GATA5: variants seen among roughly 807,000 people sequenced by gnomAD.
The protein encoded by GATA5 is transcription factor GATA-5.
In GATA5, 27 loss-of-function variants were observed where a neutral mutation model predicts 35.0. The observed-to-expected ratio is 0.77, with a 90% CI of 0.57 to 1.06. GATA5 has a LOEUF of 1.06. Ranked by LOEUF, GATA5 falls within the 50% of genes least tolerant of loss-of-function variation. The probability of loss-of-function intolerance (pLI) is 0.00; values close to 1 mark genes in which losing one functional copy is unlikely to be tolerated. For missense variants in GATA5, 612 were observed against 580.0 expected (o/e 1.06, Z -0.57); for synonymous variants, 306 against 267.8 (o/e 1.14, Z -1.39).
chr20:62,473,394 C>T lies in GATA5; in HGVS notation c.699+9G>A, dbSNP rs782776140. 4.4e-5 allele frequency: 71 copies of T among 1,598,666 alleles called. No homozygotes were observed. The highest frequency in any genetic ancestry group is 5.1e-5 in the Admixed American group (3 of 58,460). On this transcript the variant is annotated intron_variant, in intron 3 of 6. Coordinates refer to ENST00000252997, the MANE Select transcript of GATA5 (RefSeq NM_080473.5). ...CGCCCAGGCGCCCCTCTGCCCAGCC[C>T]GAACTCACCAGGCGCTTCTGAGGCC...
At position 62,470,482 on chromosome 20, in the gene GATA5, T is replaced by C. The variant is rs117126901; in HGVS notation, c.699+2921A>G. Among the ~76,000 whole-genome samples, 147 of 152,268 alleles carry C rather than the reference T, an allele frequency of 9.7e-4. 1 individual carries two copies. The East Asian group carries it at 0.014, about 14-fold the overall frequency. ...TAGTAAGCACTTGATACAGTGCCCA[T>C]GCCCCTTGCTGGCCGAGGACAAACT... On this transcript the variant is annotated intron_variant, in intron 3 of 6. Coordinates refer to ENST00000252997, the MANE Select transcript of GATA5 (RefSeq NM_080473.5). The surrounding 1 kb of genome is among the most constrained non-coding windows in gnomAD (Gnocchi z 4.6).
chr20:62,474,502 T>C (rs1555896906), intron 2 of GATA5, among the ~76,000 whole-genome samples: 1 of 152,166 alleles, frequency 6.6e-6, no homozygotes, highest in African/African-American at 2.4e-5. Flanking sequence ...GGAGCCGCCT[T>C]CGCCAGAAAG....
chr20:62,466,108 C>T (rs1989580310), intron 4 of GATA5, among the ~76,000 whole-genome samples, 187 bp from the exon 5 acceptor site: 1 of 152,198 alleles, frequency 6.6e-6, no homozygotes, highest in South Asian at 2.1e-4. Context: ...GATTCCCATT[C>T]CCCCGTCCGA....
rs546737745 is a variant in GATA5, at chr20:62,473,169, C to T, written c.699+234G>A. Among the ~76,000 whole-genome samples the T allele has an allele frequency of 4.0e-4, 61 of 152,378 alleles. No individual in the cohort carries two copies. In the South Asian group the frequency reaches 9.7e-3, roughly 24 times the overall value. ...GCCCCCAGAGCGCTCCAGGGCTGGG[C>T]GCTATGAGCTGGTGGCCCCTGGCAT... On this transcript the variant is annotated intron_variant, in intron 3 of 6. Transcript: ENST00000252997.
chr20:62,471,448 T>TTTTTTTTTTTTTTTTTTTTG (rs1216745509), intron 3 of GATA5, among the ~76,000 whole-genome samples: 8 of 142,364 alleles, frequency 5.6e-5, no homozygotes, highest in Admixed American at 1.4e-4. Flanking sequence ...TTTTTTTTTT[T>TTTTTTTTTTTTTTTTTTTTG]TGTGATGAGG....
At chr20:62,472,321 G>A (rs1180366602) in intron 3 of GATA5, among the ~76,000 whole-genome samples, 1 of 152,208 alleles carries the variant, frequency 6.6e-6, no homozygotes, top group Admixed American at 6.5e-5. Flanking sequence ...GACCTCCCAC[G>A]CTCAGGTCCT....
At chr20:62,472,551 A>C (rs1989749442) in intron 3 of GATA5, among the ~76,000 whole-genome samples, 1 of 152,238 alleles carries the variant, frequency 6.6e-6, no homozygotes, top group African/African-American at 2.4e-5. Context: ...GGTGCCCAGG[A>C]ACATACCCTT....
chr20:62,475,563 T>G (rs1989841503), intron 1 of GATA5, 21 bp from the exon 2 acceptor site: 1 of 1,242,840 alleles, frequency 8.0e-7, no homozygotes, highest in African/African-American at 1.5e-5. Context: ...GAGGGACAGG[T>G]GTGGAGGTCA....
chr20:62,475,557 G>C lies in GATA5; in HGVS notation c.-21-15C>G. 1 of 1,250,772 alleles carries C rather than the reference G, an allele frequency of 8.0e-7. No individual in the cohort carries two copies. 77.5% of individuals were successfully genotyped at this position (1,250,772 alleles called of 1,614,324 possible). ...GTGGTCTTGACCTGCAGGGAAGAGG[G>C]ACAGGTGTGGAGGTCACGGGAGCTC... On this transcript the variant is annotated splice_polypyrimidine_tract_variant and intron_variant, in intron 1 of 6. Coordinates refer to ENST00000252997, the MANE Select transcript of GATA5 (RefSeq NM_080473.5).
chr20:62,466,674 C>T, intron 3 of GATA5, 123 bp from the exon 4 acceptor site: 1 of 1,107,704 alleles, frequency 9.0e-7, no homozygotes, highest in Non-Finnish European at 1.3e-6. Context: ...GTCGTGAGCT[C>T]TGCAATGGCC....
intron 2 of GATA5, among the ~76,000 whole-genome samples, chr20:62,474,466 C>G (rs1271919264): frequency 6.6e-6 from 1 of 152,196 alleles, no homozygotes; most frequent in Non-Finnish European, 1.5e-5. Context: ...CCCGGAGGGA[C>G]GGGATGGGCC....
Position 62,466,388 on chromosome 20 carries a change from C to T in GATA5, c.825+38G>A, listed in dbSNP as rs781796926. The T allele has an allele frequency of 3.9e-6, 6 of 1,547,770 alleles. No homozygotes were observed. The South Asian group carries it at 7.2e-5, about 18-fold the overall frequency. ...GGACGGCGCTCGCTAGGAGGCTGGA[C>T]AGAGGCCTCCCCGCCCTGCCCCGGG... On this transcript the variant is annotated intron_variant, in intron 4 of 6. Coordinates refer to ENST00000252997, the MANE Select transcript of GATA5 (RefSeq NM_080473.5).
chr20:62,472,497 G>T (rs1403921351), intron 3 of GATA5, among the ~76,000 whole-genome samples: 1 of 152,218 alleles, frequency 6.6e-6, no homozygotes, highest in Non-Finnish European at 1.5e-5. Flanking sequence ...GGAGCTGGCT[G>T]ATCGACCCCG....
intron 4 of GATA5, 40 bp downstream of exon 4, chr20:62,466,386 G>A: frequency 6.5e-7 from 1 of 1,546,398 alleles, no homozygotes; most frequent in Admixed American, 1.9e-5. Flanking sequence ...TAGGAGGCTG[G>A]ACAGAGGCCT....
intron 3 of GATA5, among the ~76,000 whole-genome samples, chr20:62,472,867 C>T (rs987970399): frequency 4.4e-4 from 67 of 152,154 alleles, no homozygotes; most frequent in African/African-American, 1.6e-3. Context: ...CCCTGCGGTC[C>T]CTGAAATATG....
In GATA5 at chr20:62,473,476, A is replaced by G. The variant is rs782475918; in HGVS notation, c.626T>C (p.Leu209Pro). 9 of 1,611,470 alleles carry G rather than the reference A, an allele frequency of 5.6e-6. No homozygotes were observed. The Admixed American group carries it at 1.5e-4, about 27-fold the overall frequency. Residue 209 changes from leucine to proline, a missense_variant, in exon 3 of 7, where the codon CTG becomes CCG. Physicochemically the swap from Leu to Pro is moderately conservative, Grantham distance 98. Transcript: ENST00000252997. ...GTGGTAGAGGCCGCAGGCATTGCAC[A>G]GGTAGTGGCCGGTGCCGTCTCGGCG... is the stretch of plus-strand genomic sequence containing the variant. The part of the protein sequence containing the change: ...LWRRDGTGHY[L>P]CNACGLYHKM...
chr20:62,467,043 C>T (rs1989610774), intron 3 of GATA5, among the ~76,000 whole-genome samples: 2 of 152,238 alleles, frequency 1.3e-5, no homozygotes, highest in Non-Finnish European at 2.9e-5. Flanking sequence ...CGGGTCCCAC[C>T]TGCCTATGTC....
chr20:62,465,429 C>T lies in GATA5; in HGVS notation c.949G>A (p.Val317Ile), dbSNP rs1555895965. The T allele has an allele frequency of 1.2e-5, 20 of 1,609,132 alleles. No individual in the cohort carries two copies. Among genetic ancestry groups the T allele is most frequent in the Non-Finnish European group, 1.7e-5 (20 of 1,179,730 alleles). Residue 317 changes from valine (V) to isoleucine (I), a missense_variant, in exon 6 of 7, where the codon GTC (valine) becomes ATC (isoleucine). By Grantham distance (29) the Val-to-Ile change is conservative. Coordinates refer to ENST00000252997, the MANE Select transcript of GATA5 (RefSeq NM_080473.5). ...TRNASASPSA[V>I]ASTDSSAATS... ...GCTGCTGAGCTGTCAGTGCTGGCGACAGCAGATGGGGAGGCCGAGGCATTC... is the reference window on the plus strand; with the variant it reads ...GCTGCTGAGCTGTCAGTGCTGGCGATAGCAGATGGGGAGGCCGAGGCATTC...
chr20:62,475,508 A>G lies in GATA5; in HGVS notation c.14T>C (p.Leu5Pro). The G allele has an allele frequency of 7.6e-7, 1 of 1,320,598 alleles. No individual in the cohort carries two copies. Among genetic ancestry groups the G allele is most frequent in the Non-Finnish European group, 9.6e-7 (1 of 1,037,262 alleles). 81.8% of individuals were successfully genotyped at this position (1,320,598 alleles called of 1,614,324 possible). A position where few individuals can be genotyped will look rare whatever the true frequency, so the allele number is the denominator to read the frequency against. MYQS[L>P]ALAASPRQAA... The stretch of plus-strand genomic sequence containing the variant: ...CTGGCGGGGGCTCGCGGCCAGCGCC[A>G]GGCTCTGGTACATCCTCCCAGGCGT... Residue 5 changes from leucine (L) to proline (P), a missense_variant, in exon 2 of 7, where the codon CTG becomes CCG. Coordinates refer to ENST00000252997, the MANE Select transcript of GATA5 (RefSeq NM_080473.5).
Sources: allele counts gnomAD v4.1 joint callset (sites outside exome capture counted in the v4.1 genomes callset), GRCh38; gene constraint gnomAD v4.1.1; non-coding constraint Gnocchi (gnomAD v3.1); transcripts MANE v1.5; gene names NCBI Gene and HGNC (gene_info 2026-07-23, HGNC 2026-07-21).